FTO: variants seen among roughly 807,000 people sequenced by gnomAD.
FTO encodes the protein alpha-ketoglutarate-dependent dioxygenase FTO.
FTO carries 47 observed loss-of-function variants against 63.9 expected under a neutral mutation model. That is an observed-to-expected ratio of 0.74 (90% CI 0.58 to 0.94). The LOEUF is 0.94. Ranked by LOEUF, FTO falls within the 40% of genes least tolerant of loss-of-function variation. The pLI, the probability that FTO is intolerant of heterozygous loss-of-function variation, is 0.00. For missense variants in FTO, 562 were observed against 618.1 expected (o/e 0.91, Z 0.96); for synonymous variants, 207 against 224.4 (o/e 0.92, Z 0.69).
chr16:53,852,126 G>A (rs1297900962), intron 4 of FTO, among the ~76,000 whole-genome samples: 2 of 98,820 alleles, frequency 2.0e-5, no homozygotes, highest in Non-Finnish European at 3.6e-5. Context: ...AAAAAGCCAG[G>A]TAAGCCAGGT....
chr16:54,096,087 T>C (rs1210480304), intron 8 of FTO, among the ~76,000 whole-genome samples: 1 of 152,092 alleles, frequency 6.6e-6, no homozygotes, highest in Non-Finnish European at 1.5e-5. Context: ...CTCTAGATCC[T>C]GGCACCTAGT....
chr16:53,786,385 A>T (rs1317217809), intron 1 of FTO, among the ~76,000 whole-genome samples: 1 of 152,188 alleles, frequency 6.6e-6, no homozygotes, highest in Non-Finnish European at 1.5e-5. Flanking sequence ...GACAGCATGG[A>T]TTCAATGCAA....
At position 53,888,795 on chromosome 16, in the gene FTO, G is replaced by A. The variant is rs1399978418; in HGVS notation, c.1120-37G>A. The A allele has an allele frequency of 1.9e-6, 3 of 1,612,162 alleles. No individual in the cohort carries two copies. In the African/African-American group the frequency reaches 4.0e-5, roughly 22 times the overall value. On this transcript the variant is annotated intron_variant, in intron 6 of 8. Transcript: ENST00000471389. ...ATTGTCCTCGCTTGTCTATCACAAG[G>A]GTATTAAAACCACCATCTTCTCTTT...
At chr16:53,772,878 A>G (rs1465172376) in intron 1 of FTO, among the ~76,000 whole-genome samples, 2 of 152,128 alleles carry the variant, frequency 1.3e-5, no homozygotes, top group Non-Finnish European at 1.5e-5. Context: ...CATTATGCTA[A>G]TATACAAAGT....
chr16:53,930,845 C>A (rs1383658074), intron 7 of FTO, among the ~76,000 whole-genome samples: 1 of 152,152 alleles, frequency 6.6e-6, no homozygotes, highest in African/African-American at 2.4e-5. Context: ...ATAACTATTT[C>A]TTAGTTTATC....
In FTO at chr16:53,890,859, G is replaced by C. The variant is rs543331124; in HGVS notation, c.1239+1908G>C. 3.9e-5 allele frequency among the ~76,000 whole-genome samples: 6 copies of C among 152,126 alleles called. No homozygotes were observed. In the South Asian group the frequency reaches 1.0e-3, roughly 26 times the overall value. ...CCCCCTACTGTGTAATTCTGATTTT[G>C]TCCATTTACATATGAGTTAGAACCT... On this transcript the variant is annotated intron_variant, in intron 7 of 8. Transcript: ENST00000471389.
chr16:53,747,950 C>T (rs1013743228), intron 1 of FTO, among the ~76,000 whole-genome samples: 17 of 152,132 alleles, frequency 1.1e-4, no homozygotes, highest in African/African-American at 3.4e-4. Flanking sequence ...ATACTTGGCA[C>T]GTTTGTCAAA....
At chr16:53,759,998 G>A (rs1296075508) in intron 1 of FTO, among the ~76,000 whole-genome samples, 1 of 152,116 alleles carries the variant, frequency 6.6e-6, no homozygotes, top group Non-Finnish European at 1.5e-5. Context: ...TGTTGGGATT[G>A]AGAGAAAGAA....
intron 8 of FTO, among the ~76,000 whole-genome samples, chr16:53,964,937 TG>T (rs2083163192): frequency 6.6e-6 from 1 of 152,238 alleles, no homozygotes; most frequent in Non-Finnish European, 1.5e-5. Flanking sequence ...TATATTATAA[TG>T]AAGCTTTTTT....
chr16:54,021,051 C>T (rs1300313972), intron 8 of FTO, among the ~76,000 whole-genome samples: 1 of 152,084 alleles, frequency 6.6e-6, no homozygotes, highest in Non-Finnish European at 1.5e-5. Flanking sequence ...ATCTTTTTTC[C>T]CACATAACAC....
chr16:53,973,102 A>C (rs1431734672), intron 8 of FTO, among the ~76,000 whole-genome samples: 1 of 152,230 alleles, frequency 6.6e-6, no homozygotes, highest in East Asian at 1.9e-4. Flanking sequence ...ATAGGGGTTC[A>C]GGATCCCATA....
At chr16:54,065,897 G>A (rs2085717308) in intron 8 of FTO, among the ~76,000 whole-genome samples, 1 of 152,136 alleles carries the variant, frequency 6.6e-6, no homozygotes, top group Admixed American at 6.5e-5. Flanking sequence ...AGTATATTTG[G>A]AACCCGTATG....
intron 7 of FTO, among the ~76,000 whole-genome samples, chr16:53,898,920 T>C (rs925625715): frequency 1.3e-5 from 2 of 152,182 alleles, no homozygotes; most frequent in Non-Finnish European, 2.9e-5. Flanking sequence ...AGTCATCCTC[T>C]CACCTTGGCC....
At chr16:53,813,377 A>G (rs545714507) in intron 2 of FTO, among the ~76,000 whole-genome samples, 250 of 151,912 alleles carry the variant, frequency 1.6e-3, no homozygotes, top group African/African-American at 5.7e-3. Flanking sequence ...ATGCCTGCCT[A>G]ATTTTTGTAA....
At chr16:53,911,384 A>G (rs529898091) in intron 7 of FTO, 1 of 703,254 alleles carries the variant, frequency 1.4e-6, no homozygotes, top group African/African-American at 1.7e-5. Context: ...GGTAGAATGG[A>G]GTGGAGGAAA....
chr16:53,712,367 TC>T (rs2075794826), intron 1 of FTO, among the ~76,000 whole-genome samples: 1 of 152,194 alleles, frequency 6.6e-6, no homozygotes, highest in Admixed American at 6.5e-5. Context: ...CTGTTTTTTT[TC>T]CTTCTTCCCG....
intron 7 of FTO, among the ~76,000 whole-genome samples, chr16:53,908,368 C>G (rs2081589874): frequency 6.6e-6 from 1 of 152,204 alleles, no homozygotes; most frequent in East Asian, 1.9e-4. Context: ...GATGTTGCCT[C>G]TGGCAGAACC....
chr16:53,810,013 A>G (rs2078478962), intron 1 of FTO, 127 bp from the exon 2 acceptor site: 1 of 624,310 alleles, frequency 1.6e-6, no homozygotes, highest in Admixed American at 2.9e-5. Flanking sequence ...ACTAATTTCT[A>G]TCTCTAAAAG....
At chr16:53,917,552 GTTA>G (rs779484031) in intron 7 of FTO, among the ~76,000 whole-genome samples, 4 of 152,012 alleles carry the variant, frequency 2.6e-5, no homozygotes, top group African/African-American at 7.2e-5. Flanking sequence ...TTATGTTTTT[GTTA>G]TTGTTGTTGA....
Sources: gnomAD v4.1 joint callset for allele counts (sites outside exome capture counted in the v4.1 genomes callset) on GRCh38, gnomAD v4.1.1 for gene constraint, MANE v1.5 for transcripts, NCBI Gene and HGNC (gene_info 2026-07-23, HGNC 2026-07-21) for gene names.